The following CTNNA2 variants were observed in gnomAD, a reference collection of about 807,000 sequenced individuals.
The protein encoded by CTNNA2 is catenin alpha-2.
Under a neutral mutation model 101.0 loss-of-function variants are expected in CTNNA2, and 42 were observed. That is an observed-to-expected ratio of 0.42 (90% CI 0.32 to 0.54). The LOEUF is 0.54. Among genes scored for constraint, CTNNA2 ranks in the 20% least tolerant of loss-of-function variants. The pLI is 0.14. For missense variants in CTNNA2, 871 were observed against 1,223.1 expected (o/e 0.71, Z 4.29); for synonymous variants, 450 against 456.4 (o/e 0.99, Z 0.18).
chr2:80,127,453 G>T (rs527481067), intron 7 of CTNNA2, among the ~76,000 whole-genome samples: 1 of 152,260 alleles, frequency 6.6e-6, no homozygotes, highest in East Asian at 1.9e-4. Context: ...ATAATGATCA[G>T]CCTTTCCCTC....
chr2:79,856,686 G>A (rs1364112247), intron 3 of CTNNA2, among the ~76,000 whole-genome samples: 1 of 152,024 alleles, frequency 6.6e-6, no homozygotes, highest in East Asian at 1.9e-4. Context: ...CCCATTCCTG[G>A]GTCCCTTGAT....
chr2:79,567,623 T>A (rs185851473), intron 1 of CTNNA2, among the ~76,000 whole-genome samples: 1 of 152,050 alleles, frequency 6.6e-6, no homozygotes, highest in Non-Finnish European at 1.5e-5. Flanking sequence ...CCTTCCTCTT[T>A]ATTCTGGTTT....
intron 9 of CTNNA2, among the ~76,000 whole-genome samples, chr2:80,482,117 T>C: frequency 6.6e-6 from 1 of 152,216 alleles, no homozygotes; most frequent in South Asian, 2.1e-4. Flanking sequence ...ATTACTTCAG[T>C]CATGTAATAG....
At chr2:79,480,765 T>A (rs943732302) in intron 4 of CTNNA2, among the ~76,000 whole-genome samples, 1 of 152,216 alleles carries the variant, frequency 6.6e-6, no homozygotes, top group Non-Finnish European at 1.5e-5. Context: ...CATGACCATA[T>A]AATCTCTTTG....
intron 8 of CTNNA2, among the ~76,000 whole-genome samples, chr2:80,417,075 T>C (rs1478741069): frequency 6.6e-6 from 1 of 151,980 alleles, no homozygotes; most frequent in Non-Finnish European, 1.5e-5. Context: ...GGTTGATAAT[T>C]ACGGGTCAGT....
rs140991895 is a variant in CTNNA2, at chr2:80,041,965, G to C, written c.1056+132168G>C. On this transcript the variant is annotated intron_variant, in intron 7 of 18. Coordinates refer to ENST00000402739, the MANE Select transcript of CTNNA2 (RefSeq NM_001282597.3). ...AGTGTTTTTTCTGTGTTTTTTTGTT[G>C]GTTTTGTTTTGTTTTTTGAAACAGA... Among the ~76,000 whole-genome samples, 421 of 152,056 alleles carry C rather than the reference G, an allele frequency of 2.8e-3. 1 individual carries two copies. The highest frequency in any genetic ancestry group is 9.3e-3 in the African/African-American group (384 of 41,498).
intron 7 of CTNNA2, among the ~76,000 whole-genome samples, chr2:80,137,304 A>G (rs962378569): frequency 2.0e-5 from 3 of 152,164 alleles, no homozygotes; most frequent in Non-Finnish European, 4.4e-5. Flanking sequence ...AGTTATAGGC[A>G]ATTGAATTTG....
At chr2:80,383,152 G>A (rs1198707353) in intron 7 of CTNNA2, among the ~76,000 whole-genome samples, 1 of 152,184 alleles carries the variant, frequency 6.6e-6, no homozygotes, top group Non-Finnish European at 1.5e-5. Context: ...TGCCTGGCAA[G>A]TAATCACTGA....
rs928096459 is a variant in CTNNA2 at position 80,287,957 on chromosome 2, T to C, written c.1057-105254T>C. ...CATCTTATTTGCGAATACAGATATG[T>C]GGGCTTAGGCAATTACCTCCTTAGT... On this transcript the variant is annotated intron_variant, in intron 7 of 18. Coordinates refer to ENST00000402739, the MANE Select transcript of CTNNA2 (RefSeq NM_001282597.3). Among the ~76,000 whole-genome samples, 5 of 152,350 alleles carry C rather than the reference T, an allele frequency of 3.3e-5. No homozygotes were observed. In the East Asian group the frequency reaches 9.6e-4, roughly 29 times the overall value.
At chr2:80,550,877 A>G (rs937113405) in intron 11 of CTNNA2, among the ~76,000 whole-genome samples, 3 of 152,192 alleles carry the variant, frequency 2.0e-5, no homozygotes, top group East Asian at 3.9e-4. Context: ...CGGTGAATCA[A>G]TCATGGATGT....
At chr2:79,443,348 G>C (rs1678796993) in intron 4 of CTNNA2, among the ~76,000 whole-genome samples, 1 of 152,120 alleles carries the variant, frequency 6.6e-6, no homozygotes, top group Non-Finnish European at 1.5e-5. Context: ...AAGAGCAGGA[G>C]AGGATGAATG....
chr2:80,245,794 CTTTTTTTTTTTTTTTTTT>C (rs34625586), intron 7 of CTNNA2, among the ~76,000 whole-genome samples: 1 of 58,912 alleles, frequency 1.7e-5, no homozygotes, highest in African/African-American at 8.2e-5. Context: ...TATGATTTAA[CTTTTTTTTTTTTTTTTTT>C]TTTTTTTTTT....
At chr2:79,413,160 G>A (rs1252491589) in intron 4 of CTNNA2, among the ~76,000 whole-genome samples, 2 of 151,904 alleles carry the variant, frequency 1.3e-5, no homozygotes, top group Non-Finnish European at 2.9e-5. Context: ...GTTGTCATTT[G>A]CTTTTTTGCA....
intron 3 of CTNNA2, among the ~76,000 whole-genome samples, chr2:79,370,656 C>T (rs771384322): frequency 5.3e-5 from 8 of 151,788 alleles, no homozygotes; most frequent in Non-Finnish European, 1.2e-4. Flanking sequence ...GCATAGAACC[C>T]ACTGAGAATA....
intron 7 of CTNNA2, among the ~76,000 whole-genome samples, chr2:80,231,941 C>T (rs936114980): frequency 1.3e-5 from 2 of 152,110 alleles, no homozygotes; most frequent in African/African-American, 4.8e-5. Flanking sequence ...AGGGTGGCCA[C>T]CTATGAGATT....
At chr2:80,541,514 G>A (rs903668344) in intron 9 of CTNNA2, among the ~76,000 whole-genome samples, 3 of 152,138 alleles carry the variant, frequency 2.0e-5, no homozygotes, top group Non-Finnish European at 2.9e-5. Flanking sequence ...AACAAAAGAT[G>A]AGAAAACAGT....
intron 18 of CTNNA2, among the ~76,000 whole-genome samples, chr2:80,646,241 G>A (rs992079353): frequency 1.3e-5 from 2 of 152,084 alleles, no homozygotes; most frequent in South Asian, 4.1e-4. Flanking sequence ...TACAGTTCAT[G>A]AAGTTCATGA....
intron 12 of CTNNA2, among the ~76,000 whole-genome samples, chr2:80,568,521 C>T (rs915662031): frequency 2.0e-5 from 3 of 151,628 alleles, no homozygotes; most frequent in South Asian, 2.1e-4. Flanking sequence ...ACAGAAATAC[C>T]GATGAACTAG....
chr2:79,902,578 T>G (rs1685135774), intron 6 of CTNNA2, among the ~76,000 whole-genome samples: 1 of 152,118 alleles, frequency 6.6e-6, no homozygotes, highest in Non-Finnish European at 1.5e-5. Context: ...CTGCTCTTCA[T>G]CTGTTATCTT....
Sources: allele counts gnomAD v4.1 joint callset (sites outside exome capture counted in the v4.1 genomes callset), GRCh38; gene constraint gnomAD v4.1.1; transcripts MANE v1.5; gene names NCBI Gene and HGNC (gene_info 2026-07-23, HGNC 2026-07-21).